The following FAM186B variants were observed in gnomAD, a reference collection of about 807,000 sequenced individuals.
FAM186B encodes family with sequence similarity 186 member B.
FAM186B carries 68 observed loss-of-function variants against 83.4 expected under a neutral mutation model. That is an observed-to-expected ratio of 0.81 (90% CI 0.67 to 1.00). The LOEUF (loss-of-function observed/expected upper bound fraction) is 1.00, where lower values mean the gene tolerates loss of function less well. Ranked by LOEUF, FAM186B falls within the 50% of genes least tolerant of loss-of-function variation. The pLI is 0.00. For synonymous variants in FAM186B, 389 were observed against 422.0 expected (o/e 0.92, Z 0.96); for missense variants, 983 against 1,099.2 (o/e 0.89, Z 1.49).
At chr12:49,583,937 C>A (rs775161810), downstream of FAM186B, 1 of 154,526 alleles carries the variant, frequency 6.5e-6, no homozygotes. Flanking sequence ...TTGCCAGAGA[C>A]GGCCTCCTTA....
At chr12:49,584,583 C>A, downstream of FAM186B, 2 of 702,368 alleles carry the variant, frequency 2.8e-6, no homozygotes, top group Non-Finnish European at 5.2e-6. Context: ...TTTGTAGGTT[C>A]CTGGCATTCC....
At chr12:49,591,279 G>A (rs1487610343) in intron 5 of FAM186B, among the ~76,000 whole-genome samples, 1 of 152,170 alleles carries the variant, frequency 6.6e-6, no homozygotes, top group East Asian at 1.9e-4. Context: ...TCTGCAGAGG[G>A]GTCCCGTTAA....
chr12:49,585,165 C>T (rs1218665584), downstream of FAM186B, among the ~76,000 whole-genome samples: 1 of 152,116 alleles, frequency 6.6e-6, no homozygotes, highest in East Asian at 1.9e-4. Flanking sequence ...ACTACAGGCG[C>T]CCGCCACCAT....
chr12:49,591,371 C>T (rs1264717993), intron 5 of FAM186B, among the ~76,000 whole-genome samples: 1 of 152,192 alleles, frequency 6.6e-6, no homozygotes, highest in Non-Finnish European at 1.5e-5. Context: ...ATCCTCAGAG[C>T]TCATATATCC....
chr12:49,609,044 T>C (rs911413139), upstream of FAM186B, among the ~76,000 whole-genome samples: 2 of 152,142 alleles, frequency 1.3e-5, no homozygotes, highest in African/African-American at 4.8e-5. Context: ...GTGCCTGCTC[T>C]CGAGGTGCAT....
At chr12:49,617,984 T>C in the FAM186B span, among the ~76,000 whole-genome samples, 1 of 152,322 alleles carries the variant, frequency 6.6e-6, no homozygotes, top group African/African-American at 2.4e-5. Context: ...CTCCTCTGTC[T>C]GACCACACTG....
chr12:49,606,665 T>C (rs1940030423), upstream of FAM186B, among the ~76,000 whole-genome samples: 1 of 152,158 alleles, frequency 6.6e-6, no homozygotes, highest in African/African-American at 2.4e-5. Flanking sequence ...AAAGGAGGAA[T>C]AGGTAAATCC....
intron 2 of FAM186B, among the ~76,000 whole-genome samples, chr12:49,603,833 T>C (rs1228677043): frequency 6.6e-6 from 1 of 152,058 alleles, no homozygotes; most frequent in Non-Finnish European, 1.5e-5. Context: ...ACCATCTTCT[T>C]CCAACACTGG....
chr12:49,613,023 A>ATG, the FAM186B span, among the ~76,000 whole-genome samples: 1 of 152,202 alleles, frequency 6.6e-6, no homozygotes, highest in African/African-American at 2.4e-5. Flanking sequence ...AATCGAAATC[A>ATG]TGCCAACCAT....
chr12:49,600,969 A>G lies in FAM186B; in HGVS notation c.671T>C (p.Met224Thr). ...GGCCCTGACCTCCCCCTTGCTGAAC[A>G]TGGTAGAGTCCAGGAGCTCCTGCAG... is the stretch of plus-strand genomic sequence containing the variant. Reference protein sequence around the residue: ...SMLQELLDSTMFSKGEVRAIR... With the variant: ...SMLQELLDSTTFSKGEVRAIR... The change falls in exon 4 of 7, where the codon ATG becomes ACG. Residue 224 changes from methionine to threonine, a missense_variant. Physicochemically the swap from Met to Thr is moderately conservative, Grantham distance 81 (BLOSUM62 -1). Transcript: ENST00000257894. The surrounding 1 kb of genome is among the most constrained non-coding windows in gnomAD (Gnocchi z 4.3). 6.2e-7 allele frequency: 1 copy of G among 1,614,012 alleles called. No individual in the cohort carries two copies. The highest frequency in any genetic ancestry group is 8.5e-7 in the Non-Finnish European group (1 of 1,179,968).
chr12:49,614,820 G>A, the FAM186B span, among the ~76,000 whole-genome samples: 3 of 152,212 alleles, frequency 2.0e-5, no homozygotes, highest in South Asian at 4.1e-4. Context: ...AGTGGGAAGC[G>A]GGGTGAGTGA....
intron 5 of FAM186B, 88 bp downstream of exon 5, chr12:49,598,667 C>T: frequency 1.6e-6 from 2 of 1,222,074 alleles, no homozygotes. Flanking sequence ...TCAGCCACAT[C>T]CCCACGGGTT....
chr12:49,591,110 T>A (rs73305039), intron 5 of FAM186B, among the ~76,000 whole-genome samples: 10,074 of 151,982 alleles, frequency 0.066, 737 homozygotes, highest in African/African-American at 0.18. Flanking sequence ...AATGAGACAA[T>A]GTCCAGGCCC....
intron 6 of FAM186B, 21 bp downstream of exon 6, chr12:49,588,433 C>T (rs369883467): frequency 7.0e-5 from 112 of 1,597,126 alleles, no homozygotes; most frequent in African/African-American, 2.7e-4. Context: ...GCTGCTGCCC[C>T]CTCAGCTTCC....
At chr12:49,619,909 A>G in the FAM186B span, among the ~76,000 whole-genome samples, 1 of 151,790 alleles carries the variant, frequency 6.6e-6, no homozygotes, top group Admixed American at 6.6e-5. Context: ...TGTACTCCTA[A>G]CCTCAAGTGA....
rs746271849 is a variant in FAM186B at position 49,588,528 on chromosome 12, G to C, written c.2460C>G (p.Ile820Met). The C allele has an allele frequency of 6.2e-7, 1 of 1,613,476 alleles. No homozygotes were observed. The highest frequency in any genetic ancestry group is 8.5e-7 in the Non-Finnish European group (1 of 1,179,712). Residue 820 changes from isoleucine (I) to methionine (M), a missense_variant, in exon 6 of 7, where the codon ATC becomes ATG. Transcript: ENST00000257894. The part of the protein sequence containing the change: ...CKLPAASPRH[I>M]RPSGPTYKQP... ...GCTTGTAGGTGGGGCCACTGGGGCG[G>C]ATGTGCCGGGGTGAGGCTGCAGGCA...
At chr12:49,618,361 C>T in the FAM186B span, among the ~76,000 whole-genome samples, 1 of 151,348 alleles carries the variant, frequency 6.6e-6, no homozygotes, top group Admixed American at 6.6e-5. Context: ...AAAAAAGAAG[C>T]TCATGACTGA....
At chr12:49,615,203 TCA>T in the FAM186B span, among the ~76,000 whole-genome samples, 1 of 151,740 alleles carries the variant, frequency 6.6e-6, no homozygotes, top group African/African-American at 2.4e-5. Context: ...ATCTCAGAAA[TCA>T]CCACTAAATA....
At chr12:49,584,587 G>T (rs1407584093), downstream of FAM186B, 20 of 702,256 alleles carry the variant, frequency 2.8e-5, no homozygotes, top group East Asian at 5.1e-4. Flanking sequence ...TAGGTTCCTG[G>T]CATTCCTTCC....
Sources: gnomAD v4.1 joint callset for allele counts (sites outside exome capture counted in the v4.1 genomes callset) on GRCh38, gnomAD v4.1.1 for gene constraint, Gnocchi (gnomAD v3.1) non-coding constraint, MANE v1.5 for transcripts, NCBI Gene and HGNC (gene_info 2026-07-23, HGNC 2026-07-21) for gene names.